The following PEX6 variants were observed in gnomAD, a reference collection of about 807,000 sequenced individuals.
PEX6 encodes the protein peroxisomal biogenesis factor 6.
A neutral mutation model predicts 85.6 loss-of-function variants in PEX6; 55 were observed. The observed-to-expected ratio is 0.64, with a 90% CI of 0.52 to 0.80. PEX6 has a LOEUF of 0.80. Among genes scored for constraint, PEX6 ranks in the 30% least tolerant of loss-of-function variants. The probability of loss-of-function intolerance (pLI) is 0.00; values close to 1 mark genes in which losing one functional copy is unlikely to be tolerated. For synonymous variants in PEX6, 519 were observed against 549.1 expected, an observed-to-expected ratio of 0.95 and a Z score of 0.77; for missense variants, 1,099 against 1,260.3, an observed-to-expected ratio of 0.87 and a Z score of 1.94.
intron 1 of PEX6, among the ~76,000 whole-genome samples, chr6:42,977,112 C>T (rs6907751): frequency 0.45 from 68,927 of 151,840 alleles, 16,080 homozygotes; most frequent in African/African-American, 0.49. Flanking sequence ...TAATAGGAAA[C>T]AATTTGAAGT....
At chr6:42,972,769 CAAAA>C (rs3997649) in intron 3 of PEX6, among the ~76,000 whole-genome samples, 2 of 57,220 alleles carry the variant, frequency 3.5e-5, no homozygotes, top group Admixed American at 1.5e-4. Flanking sequence ...GACTCTGTCT[CAAAA>C]AAAAAAAAAA....
chr6:42,977,768 C>CAAAAAAAAAAAAA (rs200706906), intron 1 of PEX6, among the ~76,000 whole-genome samples: 1 of 51,698 alleles, frequency 1.9e-5, no homozygotes, highest in Admixed American at 2.6e-4. Flanking sequence ...GACCCCATCT[C>CAAAAAAAAAAAAA]AAAAAAAAAA....
chr6:42,978,684 G>T lies in PEX6; in HGVS notation c.467C>A (p.Ala156Asp). ...GGCCCGCCCGCGGAGCTCAGTCACA[G>T]CCAGCCGAGTCCCTGGGCCCAGCAG... ...QGLLGPGTRL[A>D]VTELRGRARL... is the part of the protein sequence containing the mutation. The change falls in exon 1 of 17, where the codon GCT (alanine) becomes GAT (aspartate). Residue 156 changes from alanine to aspartate, a missense_variant. Ala to Asp is a moderately radical substitution (Grantham distance 126). Around this residue, in one of 3 missense-constraint regions of PEX6, gnomAD observed 579 missense variants for 611.6 expected, o/e 0.95. Transcript: ENST00000304611. 3 of 1,554,314 alleles carry T rather than the reference G, an allele frequency of 1.9e-6. No homozygotes were observed. Among genetic ancestry groups the T allele is most frequent in the Non-Finnish European group, 1.7e-6 (2 of 1,157,396 alleles).
At chr6:42,970,738 T>A (rs982153009) in intron 3 of PEX6, among the ~76,000 whole-genome samples, 2 of 152,208 alleles carry the variant, frequency 1.3e-5, no homozygotes, top group African/African-American at 4.8e-5. Context: ...GTTTTTAAAA[T>A]TAACCTTTCT....
rs1046150458 is a variant in PEX6 at position 42,964,076 on chromosome 6, A to C, written c.*259T>G. On this transcript the variant is annotated 3_prime_UTR_variant, in exon 17 of 17. Coordinates refer to ENST00000304611, the MANE Select transcript of PEX6 (RefSeq NM_000287.4). The surrounding 1 kb of genome is among the most constrained non-coding windows in gnomAD (Gnocchi z 4.6). ...TCTCAGGGCCCAATCCCCAGAACCCAAGGCCCTGGCCCTCTTCCTGAGTAG... is the reference window on the plus strand; with the variant it reads ...TCTCAGGGCCCAATCCCCAGAACCCCAGGCCCTGGCCCTCTTCCTGAGTAG... 2.6e-5 allele frequency: 15 copies of C among 586,098 alleles called. No individual in the cohort carries two copies. Among genetic ancestry groups the C allele is most frequent in the Non-Finnish European group, 4.2e-5 (14 of 329,614 alleles). 36.3% of individuals were successfully genotyped at this position (586,098 alleles called of 1,614,324 possible). A position where few individuals can be genotyped will look rare whatever the true frequency, so the allele number is the denominator to read the frequency against.
At chr6:42,969,013 CCTT>C (rs1412357394) in intron 5 of PEX6, 28 bp from the exon 6 acceptor site, 2 of 1,505,230 alleles carry the variant, frequency 1.3e-6, no homozygotes, top group Admixed American at 3.3e-5. Context: ...ACATTCGTCT[CCTT>C]CATTTTGCCC....
intron 3 of PEX6, among the ~76,000 whole-genome samples, chr6:42,972,545 C>T (rs964279576): frequency 6.6e-6 from 1 of 152,030 alleles, no homozygotes; most frequent in East Asian, 1.9e-4. Flanking sequence ...CCGAGGCGGG[C>T]GGATCACAAG....
chr6:42,973,861 TAC>T (rs1047866024), intron 3 of PEX6, 140 bp downstream of exon 3: 111 of 684,420 alleles, frequency 1.6e-4, no homozygotes, highest in Middle Eastern at 4.8e-4. Flanking sequence ...AAGAACCTGT[TAC>T]ACACACACAC....
Position 42,965,897 on chromosome 6 carries a change from C to G in PEX6, c.2363-108G>C. The G allele has an allele frequency of 1.6e-6, 2 of 1,284,928 alleles. No individual in the cohort carries two copies. Among genetic ancestry groups the G allele is most frequent in the East Asian group, 2.3e-5 (1 of 43,380 alleles). The allele number at this position is 1,284,928 out of a possible 1,614,324, so 79.6% of individuals were successfully genotyped here. A position where few individuals can be genotyped will look rare whatever the true frequency, so the allele number is the denominator to read the frequency against. ...GGGCCTGACAATACAGCACTGGCAT[C>G]CCAGGTACTAGACCCAGCTGGGCAG... On this transcript the variant is annotated intron_variant, in intron 12 of 16. Coordinates refer to ENST00000304611, the MANE Select transcript of PEX6 (RefSeq NM_000287.4). The surrounding 1 kb of genome is among the most constrained non-coding windows in gnomAD (Gnocchi z 5.0).
chr6:42,969,982 C>T lies in PEX6; in HGVS notation c.1136G>A (p.Arg379Gln), dbSNP rs774086639. 7.4e-6 allele frequency: 12 copies of T among 1,613,954 alleles called. No homozygotes were observed. The highest frequency in any genetic ancestry group is 4.5e-5 in the East Asian group (2 of 44,874). The change falls in exon 4 of 17, where the codon CGG becomes CAG. Residue 379 changes from arginine (R) to glutamine (Q), a missense_variant. By Grantham distance (43) the Arg-to-Gln change is conservative (BLOSUM62 1). Transcript: ENST00000304611. ...EGSPEKLPRW[R>Q]EMFFKVKKTV... is the part of the protein sequence containing the mutation. Reference sequence around the variant, plus strand: ...TTTCTTCACTTTAAAAAACATTTCCCGCCACCTGCAGGAAAAAGGCCCAAT... The same window carrying T: ...TTTCTTCACTTTAAAAAACATTTCCTGCCACCTGCAGGAAAAAGGCCCAAT...
Position 42,975,041 on chromosome 6 carries a change from A to G in PEX6, c.883-3T>C, listed in dbSNP as rs9986447. On this transcript the variant is annotated splice_polypyrimidine_tract_variant and splice_region_variant and intron_variant, in intron 1 of 16. Transcript: ENST00000304611. Reference sequence around the variant, plus strand: ...GCGATGGAGCCTTCCAAGTACCTCTATTAGAGAAATAACCACCACGTTATA... The same window carrying G: ...GCGATGGAGCCTTCCAAGTACCTCTGTTAGAGAAATAACCACCACGTTATA... 677,714 of 1,609,494 alleles carry G rather than the reference A, an allele frequency of 0.42. 148,312 individuals are homozygous for G. Among genetic ancestry groups the G allele is most frequent in the Middle Eastern group, 0.46 (2,300 of 4,980 alleles).
chr6:42,979,118 G>A lies in PEX6; in HGVS notation c.33C>T (p.Pro11=), dbSNP rs745552959. 1.9e-6 allele frequency: 3 copies of A among 1,572,882 alleles called. No homozygotes were observed. Among genetic ancestry groups the A allele is most frequent in the Non-Finnish European group, 1.7e-6 (2 of 1,168,192 alleles). Reference sequence around the variant, plus strand: ...CCAACGGGGGTGTCTCGGTCGGAAAGGGCTCCAGGACCCGCAAGACAGCCA... The same window carrying A: ...CCAACGGGGGTGTCTCGGTCGGAAAAGGCTCCAGGACCCGCAAGACAGCCA... MALAVLRVLE[P]FPTETPPLAV... is the part of the protein sequence containing the mutation. The change falls in exon 1 of 17, where the codon CCC becomes CCT. Residue 11 remains proline, a synonymous_variant. Coordinates refer to ENST00000304611, the MANE Select transcript of PEX6 (RefSeq NM_000287.4).
chr6:42,966,772 G>A lies in PEX6; in HGVS notation c.1961+10C>T, dbSNP rs779467530. On this transcript the variant is annotated intron_variant, in intron 9 of 16. Coordinates refer to ENST00000304611, the MANE Select transcript of PEX6 (RefSeq NM_000287.4). ...CTCTTTCCGCCTTTCCGGTGCCCAC[G>A]TCCTCTTACCCTGAGTTCTTGATCC... 1.1e-5 allele frequency: 17 copies of A among 1,613,572 alleles called. No homozygotes were observed. Among genetic ancestry groups the A allele is most frequent in the Middle Eastern group, 1.6e-4 (1 of 6,084 alleles).
At chr6:42,968,032 C>T (rs369578492) in intron 7 of PEX6, among the ~76,000 whole-genome samples, 40 of 151,530 alleles carry the variant, frequency 2.6e-4, no homozygotes, top group African/African-American at 9.7e-4. Flanking sequence ...CTGCAACCTC[C>T]GCCTCCTGGG....
At position 42,965,503 on chromosome 6, in the gene PEX6, GC is replaced by G; in HGVS notation, c.2472-136del. The G allele has an allele frequency of 4.5e-6, 4 of 895,080 alleles. No homozygotes were observed. In the East Asian group the frequency reaches 7.2e-5, roughly 16 times the overall value. The allele number at this position is 895,080 out of a possible 1,614,324, so 55.4% of individuals were successfully genotyped here. A position where few individuals can be genotyped will look rare whatever the true frequency, so the allele number is the denominator to read the frequency against. On this transcript the variant is annotated intron_variant, in intron 13 of 16. Coordinates refer to ENST00000304611, the MANE Select transcript of PEX6 (RefSeq NM_000287.4). This position sits in a 1 kb window ranked among gnomAD's most constrained non-coding sequence, Gnocchi z 5.0. ...GTGCCCAATGTGCCCCACCAGGTAG[GC>G]CCCCATTCTCCTCAGTGGACCCTGC...
chr6:42,973,607 C>T (rs1409740894), intron 3 of PEX6, among the ~76,000 whole-genome samples: 1 of 152,098 alleles, frequency 6.6e-6, no homozygotes, highest in Admixed American at 6.5e-5. Flanking sequence ...AATCTCAGCA[C>T]TTTGGGAGGC....
Position 42,974,933 on chromosome 6 carries a change from G to A in PEX6, c.988C>T (p.His330Tyr), listed in dbSNP as rs1561827871. 6.2e-6 allele frequency: 10 copies of A among 1,613,894 alleles called. No homozygotes were observed. Among genetic ancestry groups the A allele is most frequent in the Non-Finnish European group, 8.5e-6 (10 of 1,179,808 alleles). ...TCATAATTTCCATTAGTGCTGTAGT[G>A]GGGAGAAGACACAATTTCGATGTGT... ...ELHIEIVSSP[H>Y]YSTNGNYDGV... Residue 330 changes from histidine to tyrosine, a missense_variant, in exon 2 of 17, where the codon CAC becomes TAC. Physicochemically the swap from His to Tyr is moderately conservative, Grantham distance 83. Around this residue, in one of 3 missense-constraint regions of PEX6, gnomAD observed 579 missense variants for 611.6 expected, o/e 0.95. Transcript: ENST00000304611.
intron 3 of PEX6, among the ~76,000 whole-genome samples, chr6:42,970,892 G>C (rs193242937): frequency 6.6e-6 from 1 of 152,200 alleles, no homozygotes; most frequent in African/African-American, 2.4e-5. Context: ...CGCAGTAGTT[G>C]GCGAGTGTCA....
chr6:42,964,885 C>T lies in PEX6; in HGVS notation c.2711G>A (p.Cys904Tyr). ...CGCGCCCGTCAGCTGGGGAGGGCAG[C>T]AATCTAGCACGTTTACCAGGCTCAC... ...PSVSLVNVLD[C>Y]CPPQLTGADL... is the part of the protein sequence containing the mutation. The change falls in exon 16 of 17, where the codon TGC (cysteine) becomes TAC (tyrosine). Residue 904 changes from cysteine (C) to tyrosine (Y), a missense_variant. By Grantham distance (194) the Cys-to-Tyr change is radical. Around this residue, in one of 3 missense-constraint regions of PEX6, gnomAD observed 514 missense variants for 627.0 expected, o/e 0.82. Coordinates refer to ENST00000304611, the MANE Select transcript of PEX6 (RefSeq NM_000287.4). This position sits in a 1 kb window ranked among gnomAD's most constrained non-coding sequence, Gnocchi z 4.6. 6.2e-7 allele frequency: 1 copy of T among 1,614,170 alleles called. No homozygotes were observed. The highest frequency in any genetic ancestry group is 8.5e-7 in the Non-Finnish European group (1 of 1,180,032).
Sources: allele counts gnomAD v4.1 joint callset (sites outside exome capture counted in the v4.1 genomes callset), GRCh38; gene constraint gnomAD v4.1.1; regional missense constraint gnomAD v4.1.1; non-coding constraint Gnocchi (gnomAD v3.1); transcripts MANE v1.5; gene names NCBI Gene and HGNC (gene_info 2026-07-23, HGNC 2026-07-21).